CDK14: variants seen among roughly 807,000 people sequenced by gnomAD.
CDK14 encodes the protein cyclin dependent kinase 14, also known as cyclin-dependent kinase 14.
A neutral mutation model predicts 60.7 loss-of-function variants in CDK14; 34 were observed. That is an observed-to-expected ratio of 0.56 (90% CI 0.43 to 0.75). The LOEUF is 0.75. CDK14 is among the 30% of genes least tolerant of loss of function. The pLI, the probability that CDK14 is intolerant of heterozygous loss-of-function variation, is 0.00. For missense variants in CDK14, 482 were observed against 564.1 expected (o/e 0.85, Z 1.47); for synonymous variants, 197 against 203.7 (o/e 0.97, Z 0.28).
chr7:90,815,047 A>G (rs1354753694), intron 5 of CDK14, among the ~76,000 whole-genome samples: 1 of 151,830 alleles, frequency 6.6e-6, no homozygotes, highest in African/African-American at 2.4e-5. Flanking sequence ...CTTTTTGTTC[A>G]TTTTTGTTGT....
At chr7:90,867,796 AG>A (rs146805736) in intron 6 of CDK14, among the ~76,000 whole-genome samples, 4,311 of 152,194 alleles carry the variant, frequency 0.028, 78 homozygotes, top group Non-Finnish European at 0.044. Flanking sequence ...TTGGTAGTAG[AG>A]TAGATTTTTA....
At chr7:91,160,443 A>G (rs1584145622) in intron 14 of CDK14, among the ~76,000 whole-genome samples, 1 of 152,232 alleles carries the variant, frequency 6.6e-6, no homozygotes, top group Non-Finnish European at 1.5e-5. Context: ...CTTAAAGAGC[A>G]GGAAAGTCCC....
At chr7:90,932,511 A>G (rs1793624381) in intron 8 of CDK14, among the ~76,000 whole-genome samples, 1 of 152,164 alleles carries the variant, frequency 6.6e-6, no homozygotes, top group Non-Finnish European at 1.5e-5. Context: ...CTAATGATTA[A>G]AAGCTCTTGG....
At chr7:90,913,657 G>A (rs878984343) in intron 7 of CDK14, among the ~76,000 whole-genome samples, 3 of 152,152 alleles carry the variant, frequency 2.0e-5, no homozygotes, top group African/African-American at 4.8e-5. Context: ...GAGAATATAC[G>A]TCTGTTGGGC....
intron 4 of CDK14, among the ~76,000 whole-genome samples, chr7:90,785,134 A>G (rs1805523422): frequency 7.5e-6 from 1 of 132,658 alleles, no homozygotes; most frequent in African/African-American, 2.5e-5. Context: ...ACAAAATCAT[A>G]ATGGAAGAGA....
intron 14 of CDK14, among the ~76,000 whole-genome samples, chr7:91,179,759 C>T (rs1053366652): frequency 1.3e-5 from 2 of 151,730 alleles, no homozygotes; most frequent in Non-Finnish European, 2.9e-5. Context: ...GTGGAGATTG[C>T]ACCACTGCAC....
At chr7:90,777,435 G>A (rs1362556140) in intron 4 of CDK14, among the ~76,000 whole-genome samples, 1 of 152,238 alleles carries the variant, frequency 6.6e-6, no homozygotes, top group East Asian at 1.9e-4. Context: ...TGAGAAGCTG[G>A]TGTTGGAACC....
chr7:91,205,452 A>G (rs1802864502), intron 14 of CDK14, among the ~76,000 whole-genome samples: 1 of 152,214 alleles, frequency 6.6e-6, no homozygotes, highest in African/African-American at 2.4e-5. Flanking sequence ...GTAGCATATT[A>G]TATGATTCCA....
At chr7:90,692,330 G>T (rs555956997) in intron 2 of CDK14, among the ~76,000 whole-genome samples, 6 of 152,210 alleles carry the variant, frequency 3.9e-5, no homozygotes, top group African/African-American at 1.4e-4. Flanking sequence ...TATTTTTCAA[G>T]TATTATCAAC....
At position 91,118,059 on chromosome 7, in the gene CDK14, C is replaced by T. The variant is rs762033926; in HGVS notation, c.1295-6C>T. The T allele has an allele frequency of 3.3e-6, 5 of 1,524,524 alleles. No individual in the cohort carries two copies. The Admixed American group carries it at 8.4e-5, about 26-fold the overall frequency. The allele number at this position is 1,524,524 out of a possible 1,614,324, so 94.4% of individuals were successfully genotyped here. ...TATAAATGAAAACTTCATATTCTGTCCACAGTGTCTTCTATTTTTACTGTC... is the reference window on the plus strand; with the variant it reads ...TATAAATGAAAACTTCATATTCTGTTCACAGTGTCTTCTATTTTTACTGTC... On this transcript the variant is annotated splice_polypyrimidine_tract_variant and splice_region_variant and intron_variant, in intron 13 of 14. Coordinates refer to ENST00000380050, the MANE Select transcript of CDK14 (RefSeq NM_001287135.2).
At chr7:90,887,838 A>C (rs551777377) in intron 6 of CDK14, among the ~76,000 whole-genome samples, 2 of 152,186 alleles carry the variant, frequency 1.3e-5, no homozygotes, top group African/African-American at 4.8e-5. Context: ...ATATATTGTC[A>C]TGTATTTCAT....
rs192769889 is a variant in CDK14, at chr7:90,802,617, G to A, written c.544+11965G>A. On this transcript the variant is annotated intron_variant, in intron 5 of 14. Transcript: ENST00000380050. ...TTCTCATCTAAGTGTATGATTTTGA[G>A]CAAGTCTTAAACTTGCTGTGCCTCA... is the stretch of plus-strand genomic sequence containing the variant. Among the ~76,000 whole-genome samples, 46 of 152,246 alleles carry A rather than the reference G, an allele frequency of 3.0e-4. No individual in the cohort carries two copies. In the East Asian group the frequency reaches 7.5e-3, roughly 25 times the overall value.
At chr7:90,795,937 A>G (rs1211900162) in intron 5 of CDK14, among the ~76,000 whole-genome samples, 1 of 152,196 alleles carries the variant, frequency 6.6e-6, no homozygotes, top group Non-Finnish European at 1.5e-5. Flanking sequence ...AGAAGCAAGT[A>G]GGATCACATT....
At chr7:90,777,484 G>A (rs753756806) in intron 4 of CDK14, among the ~76,000 whole-genome samples, 1 of 152,218 alleles carries the variant, frequency 6.6e-6, no homozygotes, top group Non-Finnish European at 1.5e-5. Flanking sequence ...CTGGTTGCAC[G>A]TTAGAATCAC....
At chr7:91,150,338 A>C (rs2115681511) in intron 14 of CDK14, among the ~76,000 whole-genome samples, 1 of 152,372 alleles carries the variant, frequency 6.6e-6, no homozygotes, top group South Asian at 2.1e-4. Context: ...AAAATAGATT[A>C]ACCAATTAAT....
At chr7:91,053,970 T>C (rs1417260220) in intron 11 of CDK14, among the ~76,000 whole-genome samples, 1 of 152,164 alleles carries the variant, frequency 6.6e-6, no homozygotes, top group Non-Finnish European at 1.5e-5. Flanking sequence ...AAACTATTTT[T>C]ACATTCCCTT....
chr7:90,733,156 G>C (rs1802943013), intron 3 of CDK14, among the ~76,000 whole-genome samples: 1 of 152,150 alleles, frequency 6.6e-6, no homozygotes. Flanking sequence ...GGTTTTGAGT[G>C]AGTTTCTTAA....
At chr7:90,934,785 A>C (rs904305609) in intron 8 of CDK14, among the ~76,000 whole-genome samples, 1 of 152,244 alleles carries the variant, frequency 6.6e-6, no homozygotes, top group South Asian at 2.1e-4. Flanking sequence ...GTATAGATAC[A>C]TACACCAAAT....
At chr7:90,768,628 A>G (rs1804662526) in intron 4 of CDK14, among the ~76,000 whole-genome samples, 1 of 152,172 alleles carries the variant, frequency 6.6e-6, no homozygotes, top group Admixed American at 6.5e-5. Context: ...ATCCGATATA[A>G]TTTGTATTTT....
Sources: allele counts gnomAD v4.1 joint callset (sites outside exome capture counted in the v4.1 genomes callset), GRCh38; gene constraint gnomAD v4.1.1; transcripts MANE v1.5; gene names NCBI Gene and HGNC (gene_info 2026-07-23, HGNC 2026-07-21).